Variants in NDUFS2 observed in about 807,000 individuals in gnomAD.
NDUFS2 encodes the protein NADH:ubiquinone oxidoreductase core subunit S2, also known as NADH dehydrogenase [ubiquinone] iron-sulfur protein 2, mitochondrial.
In NDUFS2, 38 loss-of-function variants were observed where a neutral mutation model predicts 69.6. That is an observed-to-expected ratio of 0.55 (90% CI 0.42 to 0.72). The LOEUF (loss-of-function observed/expected upper bound fraction) is 0.72, where lower values mean the gene tolerates loss of function less well. NDUFS2 is among the 30% of genes least tolerant of loss of function. NDUFS2 has a pLI of 0.00. For missense variants in NDUFS2, 468 were observed against 595.0 expected (o/e 0.79, Z 2.22); for synonymous variants, 194 against 211.2 (o/e 0.92, Z 0.70).
At chr1:161,203,724 A>G (rs1665300318) in intron 2 of NDUFS2, 181 bp downstream of exon 2, 1 of 651,232 alleles carries the variant, frequency 1.5e-6, no homozygotes, top group South Asian at 1.7e-5. Flanking sequence ...GCCTCCCCAG[A>G]AAGCCGCAAC....
In NDUFS2 at chr1:161,214,372, C is replaced by T. The variant is rs1035241264; in HGVS notation, c.*179C>T. The T allele has an allele frequency of 1.9e-5, 13 of 679,346 alleles. No homozygotes were observed. Among genetic ancestry groups the T allele is most frequent in the Admixed American group, 1.7e-4 (7 of 41,770 alleles). 42.1% of individuals were successfully genotyped at this position (679,346 alleles called of 1,614,324 possible). A position where few individuals can be genotyped will look rare whatever the true frequency, so the allele number is the denominator to read the frequency against. ...AAAGGAGAAATTATAATAAATTAGC[C>T]GTCTTGCGGCCCCTAGGCCTAAACT... On this transcript the variant is annotated 3_prime_UTR_variant, in exon 14 of 14. Transcript: ENST00000676972.
upstream of NDUFS2, among the ~76,000 whole-genome samples, chr1:161,197,687 C>A (rs547624731): frequency 3.3e-5 from 5 of 151,960 alleles, no homozygotes; most frequent in East Asian, 9.8e-4. Flanking sequence ...ACCTTTACTG[C>A]TGGGGACTGT....
At chr1:161,200,600 G>C (rs527399943), upstream of NDUFS2, among the ~76,000 whole-genome samples, 3 of 152,124 alleles carry the variant, frequency 2.0e-5, no homozygotes, top group African/African-American at 7.2e-5. Context: ...TACCTGCCCT[G>C]GTGCCTATCA....
At chr1:161,206,318 A>C (rs1472098919) in intron 2 of NDUFS2, 89 bp from the exon 3 acceptor site, 3 of 1,355,888 alleles carry the variant, frequency 2.2e-6, no homozygotes, top group East Asian at 4.6e-5. Context: ...TGAGTTAGAA[A>C]ATCTATAGGG....
upstream of NDUFS2, chr1:161,198,672 C>G: frequency 6.9e-7 from 1 of 1,439,332 alleles, no homozygotes. This position sits in a 1 kb window ranked among gnomAD's most constrained non-coding sequence, Gnocchi z 4.7. Flanking sequence ...GTCTAGGGCA[C>G]CAAGTCCTCC....
At chr1:161,213,062 G>A (rs1665861291) in intron 10 of NDUFS2, 4 of 348,192 alleles carry the variant, frequency 1.1e-5, no homozygotes, top group East Asian at 7.4e-5. Context: ...CCACCACCAC[G>A]CCCAGCTAAT....
Position 161,210,184 on chromosome 1 carries a change from A to G in NDUFS2, c.776A>G (p.Glu259Gly). Residue 259 changes from glutamate (E) to glycine (G), a missense_variant, in exon 7 of 14, where the codon GAG becomes GGG. Glu to Gly is a moderately conservative substitution (Grantham distance 98). Around this residue, in one of 3 missense-constraint regions of NDUFS2, gnomAD observed 339 missense variants for 433.8 expected, o/e 0.78. Transcript: ENST00000676972. ...KNFSLRLDELEELLTNNRIWR... is the reference protein window; with the variant it reads ...KNFSLRLDELGELLTNNRIWR... ...TTCTCTCTTCGGCTTGATGAGTTGGAGGAGGTAAGCTAGGAGTCAATGGGA... is the reference window on the plus strand; with the variant it reads ...TTCTCTCTTCGGCTTGATGAGTTGGGGGAGGTAAGCTAGGAGTCAATGGGA... 1 of 1,613,998 alleles carries G rather than the reference A, an allele frequency of 6.2e-7. No individual in the cohort carries two copies. The highest frequency in any genetic ancestry group is 2.2e-5 in the East Asian group (1 of 44,872).
intron 9 of NDUFS2, among the ~76,000 whole-genome samples, 162 bp downstream of exon 9, chr1:161,210,872 T>TA (rs1424285249): frequency 6.6e-6 from 1 of 152,226 alleles, no homozygotes; most frequent in African/African-American, 2.4e-5. Flanking sequence ...TATGGAATCT[T>TA]ACTTATTTTT....
upstream of NDUFS2, chr1:161,197,936 G>A (rs1192868758): frequency 4.6e-6 from 7 of 1,514,088 alleles, no homozygotes; most frequent in Non-Finnish European, 2.7e-6. Flanking sequence ...GTGAATAGGG[G>A]TCAGTAGGAC....
At chr1:161,212,220 AG>A (rs2102053411) in intron 9 of NDUFS2, 130 bp from the exon 10 acceptor site, 1 of 1,167,730 alleles carries the variant, frequency 8.6e-7, no homozygotes, top group South Asian at 1.3e-5. Context: ...AGCCAAGCAG[AG>A]ATGCTGTACT....
At chr1:161,201,789 C>A (rs1571597775), upstream of NDUFS2, among the ~76,000 whole-genome samples, 1 of 152,192 alleles carries the variant, frequency 6.6e-6, no homozygotes, top group African/African-American at 2.4e-5. Context: ...CCAATGCCGG[C>A]GGCCTTGGCA....
At chr1:161,210,422 G>A (rs373018298) in intron 8 of NDUFS2, 33 bp downstream of exon 8, 16 of 1,605,740 alleles carry the variant, frequency 1.0e-5, no homozygotes, top group South Asian at 2.2e-5. Flanking sequence ...CCGTAGGAGT[G>A]GGGGTGGGAG....
intron 5 of NDUFS2, 39 bp downstream of exon 5, chr1:161,209,634 T>G (rs1665661242): frequency 6.6e-7 from 1 of 1,516,180 alleles, no homozygotes; most frequent in African/African-American, 1.4e-5. Flanking sequence ...GGGAAGGAAG[T>G]GCAGGAAGTA....
chr1:161,202,319 CAAG>C, upstream of NDUFS2: 1 of 1,509,912 alleles, frequency 6.6e-7, no homozygotes, highest in South Asian at 1.2e-5. Flanking sequence ...GGTGAGAAGC[CAAG>C]AAGGAGGCGC....
rs145577083 is a variant in NDUFS2, at chr1:161,212,442, G to T, written c.1078G>T (p.Asp360Tyr). 4.3e-6 allele frequency: 7 copies of T among 1,613,854 alleles called. No individual in the cohort carries two copies. Among genetic ancestry groups the T allele is most frequent in the Non-Finnish European group, 5.9e-6 (7 of 1,179,916 alleles). The stretch of plus-strand genomic sequence containing the variant: ...GCCTCCTGGGGAGATCAAGGTTGAT[G>T]ATGCCAAAGTGTCTCCACCTAAGCG... ...KMPPGEIKVDDAKVSPPKRAE... is the reference protein window; with the variant it reads ...KMPPGEIKVDYAKVSPPKRAE... The change falls in exon 10 of 14, where the codon GAT (aspartate) becomes TAT (tyrosine). Residue 360 changes from aspartate to tyrosine, a missense_variant. Asp to Tyr is a radical substitution (Grantham distance 160). Around this residue, in one of 3 missense-constraint regions of NDUFS2, gnomAD observed 339 missense variants for 433.8 expected, o/e 0.78. Transcript: ENST00000676972.
chr1:161,212,317 CTG>C, intron 9 of NDUFS2, 32 bp from the exon 10 acceptor site: 1 of 1,612,642 alleles, frequency 6.2e-7, no homozygotes, highest in Non-Finnish European at 8.5e-7. Context: ...GCTCCTCTGA[CTG>C]TTCTTCTCTT....
At chr1:161,210,808 T>G (rs77037048) in intron 9 of NDUFS2, 98 bp downstream of exon 9, 29 of 1,565,152 alleles carry the variant, frequency 1.9e-5, no homozygotes, top group Admixed American at 6.8e-5. Context: ...TCTCAGTGTC[T>G]GTGGGAGCTC....
chr1:161,207,355 C>G (rs1306535330), intron 3 of NDUFS2, among the ~76,000 whole-genome samples: 1 of 152,344 alleles, frequency 6.6e-6, no homozygotes, highest in East Asian at 1.9e-4. Context: ...CTAGTAGCGT[C>G]TTAGCTCCAC....
At chr1:161,210,568 T>A in intron 8 of NDUFS2, 23 bp from the exon 9 acceptor site, 1 of 1,614,082 alleles carries the variant, frequency 6.2e-7, no homozygotes, top group Non-Finnish European at 8.5e-7. Flanking sequence ...GAGTGGCCCT[T>A]ATTCCCATTA....
Sources: gnomAD v4.1 joint callset for allele counts (sites outside exome capture counted in the v4.1 genomes callset) on GRCh38, gnomAD v4.1.1 for gene constraint, gnomAD v4.1.1 regional missense constraint, Gnocchi (gnomAD v3.1) non-coding constraint, MANE v1.5 for transcripts, NCBI Gene and HGNC (gene_info 2026-07-23, HGNC 2026-07-21) for gene names.